The following TAF4 variants were observed in gnomAD, a reference collection of about 807,000 sequenced individuals.
TAF4 encodes the protein TATA-box binding protein associated factor 4.
TAF4 carries 9 observed loss-of-function variants against 90.3 expected under a neutral mutation model. That is an observed-to-expected ratio of 0.10 (90% CI 0.06 to 0.17). The LOEUF (loss-of-function observed/expected upper bound fraction) is 0.17, where lower values mean the gene tolerates loss of function less well. TAF4 is among the 10% of genes least tolerant of loss of function. The pLI is 1.00. For synonymous variants in TAF4, 818 were observed against 638.9 expected (o/e 1.28, Z -4.23); for missense variants, 1,351 against 1,370.7 (o/e 0.99, Z 0.23).
At chr20:62,026,386 G>A (rs185664737) in intron 1 of TAF4, among the ~76,000 whole-genome samples, 13 of 152,282 alleles carry the variant, frequency 8.5e-5, no homozygotes, top group Admixed American at 3.9e-4. Context: ...TGAGTAGCTC[G>A]GAGCATGAAA....
chr20:62,062,061 G>A (rs552616456), intron 1 of TAF4, among the ~76,000 whole-genome samples: 4 of 152,268 alleles, frequency 2.6e-5, no homozygotes, highest in East Asian at 3.9e-4. Context: ...ATTGCCACCC[G>A]TCTGCTACTC....
chr20:62,048,469 T>C (rs1429428260), intron 1 of TAF4, among the ~76,000 whole-genome samples: 1 of 152,028 alleles, frequency 6.6e-6, no homozygotes, highest in Non-Finnish European at 1.5e-5. Context: ...CTCCCTCCTG[T>C]CCCCAGGGTG....
In TAF4 at chr20:62,065,208, G is replaced by C. The variant is rs1447802036; in HGVS notation, c.603C>G (p.Ser201Arg). Reference sequence around the variant, plus strand: ...CGTGGTGCGAGTTCAGCAGCGCGGCGCTCCCATTCAAAGTTTGCGCGGCGC... The same window carrying C: ...CGTGGTGCGAGTTCAGCAGCGCGGCCCTCCCATTCAAAGTTTGCGCGGCGC... ...GPGAAQTLNG[S>R]AALLNSHHAA... Residue 201 changes from serine to arginine, a missense_variant, in exon 1 of 15, where the codon AGC (serine) becomes AGG (arginine). Transcript: ENST00000252996. 2.5e-6 allele frequency: 3 copies of C among 1,180,982 alleles called. No individual in the cohort carries two copies. Among genetic ancestry groups the C allele is most frequent in the Non-Finnish European group, 3.2e-6 (3 of 932,368 alleles). The allele number at this position is 1,180,982 out of a possible 1,614,324, so 73.2% of individuals were successfully genotyped here.
rs2055681895 is a variant in TAF4, at chr20:61,999,122, TA to T, written c.2788-15del. Reference sequence around the variant, plus strand: ...TCTGTCGTCATCCTATGAAGAAAGTTAAAATACTGCTTGTCATAAATCTGAG... The same window carrying T: ...TCTGTCGTCATCCTATGAAGAAAGTTAAATACTGCTTGTCATAAATCTGAG... On this transcript the variant is annotated splice_polypyrimidine_tract_variant and intron_variant, in intron 11 of 14. Transcript: ENST00000252996. 1 of 1,613,444 alleles carries T rather than the reference TA, an allele frequency of 6.2e-7. No homozygotes were observed.
intron 14 of TAF4, among the ~76,000 whole-genome samples, chr20:61,989,144 G>A (rs952345387): frequency 6.6e-6 from 1 of 152,052 alleles, no homozygotes; most frequent in African/African-American, 2.4e-5. Flanking sequence ...CGAACACACA[G>A]GACCCCTTCG....
chr20:62,065,805 C>G lies in TAF4; in HGVS notation c.6G>C (p.Ala2=). 1 of 1,297,476 alleles carries G rather than the reference C, an allele frequency of 7.7e-7. No individual in the cohort carries two copies. The highest frequency in any genetic ancestry group is 1.0e-6 in the Non-Finnish European group (1 of 1,001,514). The allele number at this position is 1,297,476 out of a possible 1,614,324, so 80.4% of individuals were successfully genotyped here. A position where few individuals can be genotyped will look rare whatever the true frequency, so the allele number is the denominator to read the frequency against. ...CCTCGTCCAGCAGATCCGAGCCCGC[C>G]GCCATCTTTTTTCCTCGGCCGCCGC... M[A]AGSDLLDEVF... Residue 2 remains alanine, a synonymous_variant, in exon 1 of 15, where the codon GCG becomes GCC. Coordinates refer to ENST00000252996, the MANE Select transcript of TAF4 (RefSeq NM_003185.4).
chr20:62,008,864 GAAGGAGT>G, intron 5 of TAF4, 181 bp downstream of exon 5: 1 of 665,688 alleles, frequency 1.5e-6, no homozygotes, highest in Non-Finnish European at 2.3e-6. Flanking sequence ...CCAGCCCCAG[GAAGGAGT>G]CTCCTTAGCT....
intron 1 of TAF4, among the ~76,000 whole-genome samples, chr20:62,046,737 T>C (rs887999240): frequency 2.0e-5 from 3 of 152,226 alleles, no homozygotes; most frequent in Admixed American, 2.0e-4. Context: ...ACACACGGGA[T>C]GGCTGTCAGT....
chr20:62,007,212 GAGAC>G (rs2055751762), intron 6 of TAF4, among the ~76,000 whole-genome samples: 1 of 152,176 alleles, frequency 6.6e-6, no homozygotes, highest in Non-Finnish European at 1.5e-5. Flanking sequence ...TTACCCAACA[GAGAC>G]AGCCTGACGC....
At chr20:62,009,436 GAA>G (rs968644059) in intron 4 of TAF4, among the ~76,000 whole-genome samples, 3 of 152,232 alleles carry the variant, frequency 2.0e-5, no homozygotes, top group Non-Finnish European at 4.4e-5. Flanking sequence ...TTAAAAAAGT[GAA>G]AAGAGACTCT....
intron 1 of TAF4, among the ~76,000 whole-genome samples, chr20:62,033,309 G>A (rs1438812290): frequency 6.6e-6 from 1 of 152,342 alleles, no homozygotes; most frequent in Non-Finnish European, 1.5e-5. Context: ...GGAGGTGGCA[G>A]GACAAAGGAG....
chr20:61,987,778 AT>A (rs2055602708), intron 14 of TAF4, among the ~76,000 whole-genome samples: 1 of 152,260 alleles, frequency 6.6e-6, no homozygotes, highest in African/African-American at 2.4e-5. Flanking sequence ...ACAGATGTTT[AT>A]ACCAGCTTTC....
intron 1 of TAF4, among the ~76,000 whole-genome samples, chr20:62,060,341 C>T (rs543198149): frequency 6.6e-6 from 1 of 152,372 alleles, no homozygotes; most frequent in South Asian, 2.1e-4. Context: ...ACTCATAGAC[C>T]TCTGCTGTGA....
At position 62,003,898 on chromosome 20, in the gene TAF4, G is replaced by T; in HGVS notation, c.2224-20C>A. ...GATGACCTGAGGCAGAGCCAGCAGA[G>T]AATGGTGAGCATGCTCCCCGAGGGC... On this transcript the variant is annotated intron_variant, in intron 7 of 14. Transcript: ENST00000252996. The T allele has an allele frequency of 6.5e-7, 1 of 1,533,346 alleles. No individual in the cohort carries two copies. The allele number at this position is 1,533,346 out of a possible 1,614,324, so 95.0% of individuals were successfully genotyped here. A position where few individuals can be genotyped will look rare whatever the true frequency, so the allele number is the denominator to read the frequency against.
chr20:62,041,161 C>T (rs904876508), intron 1 of TAF4, among the ~76,000 whole-genome samples: 1 of 152,248 alleles, frequency 6.6e-6, no homozygotes, highest in Non-Finnish European at 1.5e-5. Flanking sequence ...ACCTTCCCGT[C>T]CAGGGCTGTG....
chr20:62,050,527 C>T (rs577095086), intron 1 of TAF4, among the ~76,000 whole-genome samples: 12 of 152,148 alleles, frequency 7.9e-5, no homozygotes, highest in Non-Finnish European at 1.8e-4. Flanking sequence ...CTCTCTCCCC[C>T]ACCCCTCCCC....
chr20:62,024,393 C>T (rs2055863204), intron 1 of TAF4, among the ~76,000 whole-genome samples: 1 of 152,172 alleles, frequency 6.6e-6, no homozygotes, highest in Non-Finnish European at 1.5e-5. Flanking sequence ...ACATCAGAAA[C>T]GAAATGCATA....
At chr20:62,055,126 G>C (rs754515681) in intron 1 of TAF4, among the ~76,000 whole-genome samples, 5 of 152,176 alleles carry the variant, frequency 3.3e-5, no homozygotes, top group Non-Finnish European at 7.3e-5. Context: ...GAGGCACTTG[G>C]AATCAATTCA....
At chr20:61,985,495 A>C (rs1420697745) in intron 14 of TAF4, among the ~76,000 whole-genome samples, 6 of 152,096 alleles carry the variant, frequency 3.9e-5, no homozygotes, top group Non-Finnish European at 7.4e-5. Flanking sequence ...GTAAATTTGA[A>C]ATGTACTATT....
Sources: gnomAD v4.1 joint callset for allele counts (sites outside exome capture counted in the v4.1 genomes callset) on GRCh38, gnomAD v4.1.1 for gene constraint, MANE v1.5 for transcripts, NCBI Gene and HGNC (gene_info 2026-07-23, HGNC 2026-07-21) for gene names.